Variants in INSC observed in about 807,000 individuals in gnomAD.
INSC encodes the protein INSC spindle orientation adaptor protein.
Under a neutral mutation model 58.6 loss-of-function variants are expected in INSC, and 67 were observed. That is an observed-to-expected ratio of 1.14 (90% CI 0.94 to 1.40). INSC has a LOEUF of 1.40. INSC is among the 40% of genes most tolerant of loss of function. The probability of loss-of-function intolerance (pLI) is 0.00; values close to 1 mark genes in which losing one functional copy is unlikely to be tolerated. For missense variants in INSC, 714 were observed against 692.0 expected, an observed-to-expected ratio of 1.03 and a Z score of -0.36; for synonymous variants, 262 against 276.1, an observed-to-expected ratio of 0.95 and a Z score of 0.51.
intron 5 of INSC, among the ~76,000 whole-genome samples, chr11:15,181,282 C>T (rs1945633): frequency 0.033 from 5,018 of 152,274 alleles, 269 homozygotes; most frequent in African/African-American, 0.12. Flanking sequence ...TTCAGGGTCA[C>T]AGATTTAAAA....
At chr11:15,250,874 C>A (rs769930088), downstream of INSC, among the ~76,000 whole-genome samples, 1 of 152,208 alleles carries the variant, frequency 6.6e-6, no homozygotes, top group Non-Finnish European at 1.5e-5. Flanking sequence ...AATGGCAGAG[C>A]AAGGGCTCCC....
chr11:15,130,092 T>C (rs1848090858), intron 1 of INSC, among the ~76,000 whole-genome samples: 1 of 152,268 alleles, frequency 6.6e-6, no homozygotes, highest in Admixed American at 6.5e-5. Flanking sequence ...TTTCTTTCTT[T>C]CTGTACTAGC....
chr11:15,163,649 A>G (rs1305924204), intron 2 of INSC, among the ~76,000 whole-genome samples: 1 of 152,064 alleles, frequency 6.6e-6, no homozygotes, highest in Non-Finnish European at 1.5e-5. Flanking sequence ...AAGTGAGTGC[A>G]GTGGTGCGAT....
At chr11:15,225,892 A>C in intron 9 of INSC, 64 bp downstream of exon 9, 1 of 1,508,664 alleles carries the variant, frequency 6.6e-7, no homozygotes, top group Non-Finnish European at 9.0e-7. Flanking sequence ...TTAGGAGGCC[A>C]GCACGTAGTT....
chr11:15,216,708 A>G (rs921326215), intron 7 of INSC, among the ~76,000 whole-genome samples: 2 of 152,208 alleles, frequency 1.3e-5, no homozygotes, highest in African/African-American at 4.8e-5. Context: ...ACAAGTGGTT[A>G]AACTTTGGGC....
At chr11:15,151,153 C>T (rs1052806799) in intron 2 of INSC, among the ~76,000 whole-genome samples, 9 of 152,108 alleles carry the variant, frequency 5.9e-5, no homozygotes, top group African/African-American at 9.7e-5. Context: ...GGTGAGTGGC[C>T]GGCAAGAGCA....
downstream of INSC, among the ~76,000 whole-genome samples, chr11:15,247,635 T>C (rs1050733482): frequency 6.6e-6 from 1 of 151,364 alleles, no homozygotes; most frequent in Non-Finnish European, 1.5e-5. Flanking sequence ...ATTTTACAGA[T>C]ACAACAATGG....
chr11:15,120,662 G>T (rs555342872), intron 1 of INSC, among the ~76,000 whole-genome samples: 1 of 152,290 alleles, frequency 6.6e-6, no homozygotes, highest in South Asian at 2.1e-4. Flanking sequence ...GATGTTACAA[G>T]GAGCTTTGTA....
intron 2 of INSC, among the ~76,000 whole-genome samples, chr11:15,165,618 C>T (rs1057128040): frequency 6.6e-6 from 1 of 152,088 alleles, no homozygotes; most frequent in Non-Finnish European, 1.5e-5. Context: ...CTAGAAGACC[C>T]AGTGGCATGC....
intron 1 of INSC, among the ~76,000 whole-genome samples, chr11:15,123,136 A>C (rs551555357): frequency 6.6e-6 from 1 of 152,136 alleles, no homozygotes; most frequent in South Asian, 2.1e-4. Context: ...TCCTGACTCC[A>C]CCTACCGAAT....
chr11:15,258,239 T>G, the INSC span, among the ~76,000 whole-genome samples: 1 of 152,186 alleles, frequency 6.6e-6, no homozygotes, highest in South Asian at 2.1e-4. Context: ...CTCTGGTTGT[T>G]GGTTCTAAAG....
intron 2 of INSC, among the ~76,000 whole-genome samples, chr11:15,154,220 T>G (rs559854689): frequency 1.3e-5 from 2 of 152,242 alleles, no homozygotes; most frequent in Admixed American, 6.5e-5. Flanking sequence ...AAGTGATTGT[T>G]GAGTAAATAA....
At chr11:15,230,881 A>G (rs1255644273) in intron 9 of INSC, among the ~76,000 whole-genome samples, 2 of 152,160 alleles carry the variant, frequency 1.3e-5, no homozygotes, top group East Asian at 3.9e-4. Flanking sequence ...CCTAAATCTT[A>G]GCCCACCAGT....
upstream of INSC, chr11:15,112,655 G>GC (rs1458284802): frequency 8.8e-5 from 23 of 262,452 alleles, 7 homozygotes; most frequent in Non-Finnish European, 1.4e-4. Context: ...AGTGGGGGGG[G>GC]GGCATTTATG....
At chr11:15,204,724 G>A (rs1169262603) in intron 7 of INSC, among the ~76,000 whole-genome samples, 3 of 152,228 alleles carry the variant, frequency 2.0e-5, no homozygotes, top group African/African-American at 4.8e-5. Flanking sequence ...GGCATGGTTC[G>A]TGGCCAAATT....
chr11:15,242,773 A>G (rs2133983787), intron 12 of INSC, among the ~76,000 whole-genome samples: 1 of 152,318 alleles, frequency 6.6e-6, no homozygotes, highest in East Asian at 1.9e-4. Flanking sequence ...GCCAGAGAGT[A>G]CACAGCATGA....
chr11:15,237,538 T>G (rs2133972919), intron 10 of INSC, among the ~76,000 whole-genome samples: 1 of 152,322 alleles, frequency 6.6e-6, no homozygotes, highest in Non-Finnish European at 1.5e-5. Context: ...GAAGAGAGTT[T>G]AATGAAGGAG....
chr11:15,113,838 T>A (rs1847629803), upstream of INSC, among the ~76,000 whole-genome samples: 1 of 152,106 alleles, frequency 6.6e-6, no homozygotes, highest in Admixed American at 6.5e-5. Context: ...GAAATAGAGA[T>A]TATTAGCATT....
At chr11:15,168,363 C>G (rs557063353) in intron 2 of INSC, among the ~76,000 whole-genome samples, 2 of 152,224 alleles carry the variant, frequency 1.3e-5, no homozygotes, top group African/African-American at 4.8e-5. Flanking sequence ...TGAGAAAATG[C>G]AGTGTTTGGT....
Sources: allele counts gnomAD v4.1 joint callset (sites outside exome capture counted in the v4.1 genomes callset), GRCh38; gene constraint gnomAD v4.1.1; transcripts MANE v1.5; gene names NCBI Gene and HGNC (gene_info 2026-07-23, HGNC 2026-07-21).